The following DEPTOR variants were observed in gnomAD, a reference collection of about 807,000 sequenced individuals.
The protein encoded by DEPTOR is DEP domain-containing mTOR-interacting protein.
Under a neutral mutation model 41.6 loss-of-function variants are expected in DEPTOR, and 41 were observed. That is an observed-to-expected ratio of 0.98 (90% CI 0.77 to 1.28). The LOEUF (loss-of-function observed/expected upper bound fraction) is 1.28, where lower values mean the gene tolerates loss of function less well. DEPTOR is among the 50% of genes most tolerant of loss of function. The pLI is 0.00. For missense variants in DEPTOR, 514 were observed against 527.9 expected (o/e 0.97, Z 0.26); for synonymous variants, 195 against 192.3 (o/e 1.01, Z -0.12).
chr8:119,941,185 C>A (rs1039356150), intron 3 of DEPTOR, among the ~76,000 whole-genome samples: 6 of 151,794 alleles, frequency 4.0e-5, no homozygotes, highest in African/African-American at 1.5e-4. Flanking sequence ...ACCAGCCTGA[C>A]CAACATGGTG....
chr8:119,952,748 G>A (rs1264132115), intron 3 of DEPTOR, among the ~76,000 whole-genome samples: 9 of 152,176 alleles, frequency 5.9e-5, no homozygotes, highest in African/African-American at 1.7e-4. Flanking sequence ...TGCAAAGGAC[G>A]TGTAGTTTCA....
intron 8 of DEPTOR, among the ~76,000 whole-genome samples, chr8:120,038,409 G>A (rs1813010824): frequency 6.6e-6 from 1 of 151,896 alleles, no homozygotes; most frequent in Non-Finnish European, 1.5e-5. Context: ...AGAGCAGCCT[G>A]GGCAACATGG....
intron 4 of DEPTOR, among the ~76,000 whole-genome samples, chr8:119,972,654 C>T (rs1277878228): frequency 6.8e-6 from 1 of 148,102 alleles, no homozygotes; most frequent in Non-Finnish European, 1.5e-5. Flanking sequence ...AAGTAATGTG[C>T]TGAAGATGAG....
intron 1 of DEPTOR, among the ~76,000 whole-genome samples, chr8:119,895,399 C>G (rs4871010): frequency 0.82 from 124,653 of 152,196 alleles, 51,402 homozygotes; most frequent in East Asian, 0.95. Context: ...ACGCATAAAT[C>G]CAAAGGATCA....
At chr8:119,941,229 C>T (rs941373380) in intron 3 of DEPTOR, among the ~76,000 whole-genome samples, 13 of 151,706 alleles carry the variant, frequency 8.6e-5, no homozygotes, top group Non-Finnish European at 5.9e-5. Flanking sequence ...AAAAATTAGC[C>T]AGGCATGGTG....
At chr8:119,991,182 A>G (rs185064470) in intron 4 of DEPTOR, among the ~76,000 whole-genome samples, 1,608 of 150,632 alleles carry the variant, frequency 0.011, 31 homozygotes, top group Non-Finnish European at 0.013. Context: ...GTAAGTAAAC[A>G]TGTATTACGG....
intron 1 of DEPTOR, among the ~76,000 whole-genome samples, chr8:119,923,586 A>G (rs767746254): frequency 5.3e-5 from 8 of 152,088 alleles, no homozygotes; most frequent in Non-Finnish European, 1.0e-4. Flanking sequence ...GTATTTTTTC[A>G]ATAAGAATTT....
At chr8:119,962,429 G>A (rs1039140748) in intron 3 of DEPTOR, among the ~76,000 whole-genome samples, 1 of 152,042 alleles carries the variant, frequency 6.6e-6, no homozygotes, top group Non-Finnish European at 1.5e-5. Flanking sequence ...AAAACAAGAA[G>A]TCAAGTAGGC....
chr8:119,987,401 A>G lies in DEPTOR; in HGVS notation c.605-14124A>G, dbSNP rs117695838. Among the ~76,000 whole-genome samples the G allele has an allele frequency of 6.8e-3, 1,037 of 152,238 alleles. 10 individuals carry two copies. Among genetic ancestry groups the G allele is most frequent in the South Asian group, 0.015 (72 of 4,820 alleles). On this transcript the variant is annotated intron_variant, in intron 4 of 8. Transcript: ENST00000286234. ...GATTGCTGCCTGTTCTTTCCGCTAGAAGCTTTGTCCCAGAGGGGCACCTGC... is the reference window on the plus strand; with the variant it reads ...GATTGCTGCCTGTTCTTTCCGCTAGGAGCTTTGTCCCAGAGGGGCACCTGC...
At chr8:120,013,393 TCCTATTTTA>T (rs1812561497) in intron 8 of DEPTOR, among the ~76,000 whole-genome samples, 1 of 152,212 alleles carries the variant, frequency 6.6e-6, no homozygotes, top group South Asian at 2.1e-4. Context: ...CTCAATTATT[TCCTATTTTA>T]CCATTTGTCA....
At chr8:119,936,983 C>T (rs1828121546) in intron 3 of DEPTOR, among the ~76,000 whole-genome samples, 1 of 151,582 alleles carries the variant, frequency 6.6e-6, no homozygotes, top group African/African-American at 2.4e-5. Context: ...GAGATCACAC[C>T]ACTGCACTCC....
intron 1 of DEPTOR, among the ~76,000 whole-genome samples, chr8:119,885,462 G>A (rs1168791392): frequency 2.6e-5 from 4 of 152,240 alleles, no homozygotes; most frequent in Middle Eastern, 6.8e-3. Context: ...CCCTCACATT[G>A]CCAATTACAT....
intron 3 of DEPTOR, among the ~76,000 whole-genome samples, chr8:119,961,187 C>G (rs1267056497): frequency 1.3e-5 from 2 of 151,920 alleles, no homozygotes; most frequent in South Asian, 4.1e-4. Context: ...GAGGCTGAGG[C>G]GGGTGGATCA....
At position 119,952,035 on chromosome 8, in the gene DEPTOR, C is replaced by T. The variant is rs765592286; in HGVS notation, c.426-13197C>T. On this transcript the variant is annotated intron_variant, in intron 3 of 8. Transcript: ENST00000286234. ...CTGTAATCCCAGCTACTGGGGAGAC[C>T]GAGGCAAGAGAATTGCTTGAACCCA... is the stretch of plus-strand genomic sequence containing the variant. 6.6e-5 allele frequency among the ~76,000 whole-genome samples: 10 copies of T among 151,984 alleles called. No individual in the cohort carries two copies. In the East Asian group the frequency reaches 7.8e-4, roughly 12 times the overall value.
intron 3 of DEPTOR, among the ~76,000 whole-genome samples, chr8:119,962,086 CAAAAAAAAAAA>C (rs772605916): frequency 6.2e-5 from 3 of 48,198 alleles, no homozygotes; most frequent in Admixed American, 2.6e-4. Context: ...ACTAAAAATA[CAAAAAAAAAAA>C]AAAAAAAAAA....
intron 4 of DEPTOR, among the ~76,000 whole-genome samples, chr8:119,991,075 TTTC>T (rs1812159132): frequency 1.3e-5 from 1 of 75,052 alleles, no homozygotes; most frequent in African/African-American, 4.9e-5. Flanking sequence ...TCTTTCTTTC[TTTC>T]TTTCTTTCTT....
At chr8:119,935,246 A>G (rs934298638) in intron 3 of DEPTOR, among the ~76,000 whole-genome samples, 8 of 152,222 alleles carry the variant, frequency 5.3e-5, no homozygotes, top group African/African-American at 1.7e-4. Context: ...ACACATGAAC[A>G]TAAGTCACAT....
intron 3 of DEPTOR, 37 bp from the exon 4 acceptor site, chr8:119,965,195 A>T (rs776626805): frequency 6.3e-7 from 1 of 1,583,068 alleles, no homozygotes; most frequent in Admixed American, 1.9e-5. Context: ...TTCCTTTCGT[A>T]TAGGTTTACT....
At chr8:120,040,142 C>T (rs1478298497) in intron 8 of DEPTOR, among the ~76,000 whole-genome samples, 1 of 152,142 alleles carries the variant, frequency 6.6e-6, no homozygotes, top group Non-Finnish European at 1.5e-5. Context: ...CCATGCCCGA[C>T]CTTTAGGCAA....
Sources: allele counts gnomAD v4.1 joint callset (sites outside exome capture counted in the v4.1 genomes callset), GRCh38; gene constraint gnomAD v4.1.1; transcripts MANE v1.5; gene names NCBI Gene and HGNC (gene_info 2026-07-23, HGNC 2026-07-21).